NAALADL2: variants seen among roughly 807,000 people sequenced by gnomAD.
NAALADL2 encodes the protein N-acetylated alpha-linked acidic dipeptidase like 2.
NAALADL2 carries 76 observed loss-of-function variants against 87.2 expected under a neutral mutation model. The observed-to-expected ratio is 0.87, with a 90% confidence interval of 0.72 to 1.05. The LOEUF is 1.05. Ranked by LOEUF, NAALADL2 falls within the 50% of genes least tolerant of loss-of-function variation. The pLI is 0.00. For synonymous variants in NAALADL2, 354 were observed against 331.0 expected (o/e 1.07, Z -0.75); for missense variants, 1,089 against 945.8 (o/e 1.15, Z -1.99).
chr3:174,492,528 A>G (rs1273868941), intron 1 of NAALADL2, among the ~76,000 whole-genome samples: 1 of 119,572 alleles, frequency 8.4e-6, no homozygotes, highest in Admixed American at 9.8e-5. Flanking sequence ...GACACCTACT[A>G]TAGGTATTTT....
chr3:174,498,019 TTTTTAACAGC>T (rs1718652268), intron 1 of NAALADL2, among the ~76,000 whole-genome samples: 1 of 152,144 alleles, frequency 6.6e-6, no homozygotes, highest in African/African-American at 2.4e-5. Context: ...GTTTTTTCAA[TTTTTAACAGC>T]TTTAATGAAG....
intron 5 of NAALADL2, among the ~76,000 whole-genome samples, chr3:175,400,413 A>G (rs569926394): frequency 6.6e-6 from 1 of 152,130 alleles, no homozygotes; most frequent in South Asian, 2.1e-4. Context: ...TAGAACCAGG[A>G]CCATGTTTGT....
At chr3:174,816,414 G>A (rs56222551) in intron 3 of NAALADL2, among the ~76,000 whole-genome samples, 6 of 32,364 alleles carry the variant, frequency 1.9e-4, no homozygotes, top group African/African-American at 1.1e-3. Context: ...ATGTGTGTGC[G>A]TGTGTGTGTG....
At chr3:174,712,066 A>G (rs915929472) in intron 2 of NAALADL2, among the ~76,000 whole-genome samples, 2 of 151,620 alleles carry the variant, frequency 1.3e-5, no homozygotes, top group East Asian at 3.9e-4. Context: ...GGATTACAGG[A>G]GTGGGCCACC....
chr3:175,213,181 G>A (rs539670250), intron 2 of NAALADL2, among the ~76,000 whole-genome samples: 2 of 152,162 alleles, frequency 1.3e-5, no homozygotes, highest in African/African-American at 2.4e-5. Flanking sequence ...CCAAGATCTC[G>A]CATTTAGTTA....
intron 2 of NAALADL2, among the ~76,000 whole-genome samples, chr3:174,727,610 G>T (rs964495145): frequency 2.6e-5 from 4 of 152,002 alleles, no homozygotes; most frequent in African/African-American, 9.7e-5. Context: ...TCAACAGAAA[G>T]AACAGAGTTC....
chr3:175,289,159 G>A (rs1156345287), intron 4 of NAALADL2, among the ~76,000 whole-genome samples: 3 of 151,878 alleles, frequency 2.0e-5, no homozygotes, highest in Non-Finnish European at 4.4e-5. Context: ...AACATTTTTG[G>A]CATGTCTTTC....
chr3:174,475,211 C>T lies in NAALADL2; in HGVS notation c.-184+34179C>T, dbSNP rs1263526234. Among the ~76,000 whole-genome samples, 8 of 151,476 alleles carry T rather than the reference C, an allele frequency of 5.3e-5. No homozygotes were observed. In the South Asian group the frequency reaches 1.7e-3, roughly 32 times the overall value. On this transcript the variant is annotated intron_variant, in intron 1 of 3. Transcript: ENST00000434257. ...AAATATATGGAAAGAAAAGGAATTTCAAAGTCTAAAAGAAAGGGAACCGGT... is the reference window on the plus strand; with the variant it reads ...AAATATATGGAAAGAAAAGGAATTTTAAAGTCTAAAAGAAAGGGAACCGGT...
At chr3:175,636,430 G>C (rs1454313812) in intron 11 of NAALADL2, among the ~76,000 whole-genome samples, 1 of 152,000 alleles carries the variant, frequency 6.6e-6, no homozygotes, top group African/African-American at 2.4e-5. Context: ...GGGGCACGGT[G>C]GCTCACGCTT....
intron 1 of NAALADL2, among the ~76,000 whole-genome samples, chr3:174,918,294 T>G (rs1350088506): frequency 4.6e-5 from 7 of 152,092 alleles, no homozygotes; most frequent in African/African-American, 1.7e-4. Context: ...TAAAAAAATA[T>G]ATTTTGGAGT....
chr3:174,789,700 G>C (rs531296361), intron 3 of NAALADL2, among the ~76,000 whole-genome samples: 1 of 152,300 alleles, frequency 6.6e-6, no homozygotes, highest in African/African-American at 2.4e-5. Flanking sequence ...GACTTTAACT[G>C]TATACCATCA....
At chr3:175,095,290 A>ATT (rs1720956360) in intron 1 of NAALADL2, among the ~76,000 whole-genome samples, 1 of 151,874 alleles carries the variant, frequency 6.6e-6, no homozygotes. Flanking sequence ...ATCACCCCTG[A>ATT]GTTTCCCTGA....
chr3:174,474,489 A>G (rs971133116), intron 1 of NAALADL2, among the ~76,000 whole-genome samples: 12 of 152,144 alleles, frequency 7.9e-5, no homozygotes, highest in African/African-American at 2.9e-4. Context: ...GATTTTTGTC[A>G]TTACTGAAAG....
chr3:174,874,895 C>A (rs1169273547), intron 1 of NAALADL2, among the ~76,000 whole-genome samples: 3 of 151,696 alleles, frequency 2.0e-5, no homozygotes, highest in Non-Finnish European at 4.4e-5. Flanking sequence ...GAAGAAGGAT[C>A]CCTTGAGCCA....
chr3:175,190,920 G>T (rs1580854525), intron 2 of NAALADL2, among the ~76,000 whole-genome samples: 1 of 150,178 alleles, frequency 6.7e-6, no homozygotes, highest in East Asian at 2.0e-4. Flanking sequence ...GGAGCTTGCA[G>T]TGAGCCGAGA....
At chr3:175,119,613 G>T (rs958605313) in intron 2 of NAALADL2, among the ~76,000 whole-genome samples, 2 of 150,546 alleles carry the variant, frequency 1.3e-5, no homozygotes, top group Non-Finnish European at 3.0e-5. Context: ...GTCAGATTAT[G>T]AAAAGCCTTA....
At chr3:175,167,573 A>G (rs571092887) in intron 2 of NAALADL2, among the ~76,000 whole-genome samples, 2 of 152,208 alleles carry the variant, frequency 1.3e-5, no homozygotes, top group South Asian at 4.1e-4. Context: ...TCCTCATGTA[A>G]AAACTATTAA....
intron 9 of NAALADL2, among the ~76,000 whole-genome samples, chr3:175,574,969 C>G (rs1718648365): frequency 6.6e-6 from 1 of 152,166 alleles, no homozygotes; most frequent in South Asian, 2.1e-4. Flanking sequence ...ATAGTTGATG[C>G]CATTGCATCT....
At chr3:174,847,534 G>C (rs965136521) in intron 3 of NAALADL2, among the ~76,000 whole-genome samples, 1 of 152,106 alleles carries the variant, frequency 6.6e-6, no homozygotes, top group Admixed American at 6.6e-5. Flanking sequence ...GAACATATTT[G>C]TCTGATTTTG....
Sources: gnomAD v4.1 joint callset for allele counts (sites outside exome capture counted in the v4.1 genomes callset) on GRCh38, gnomAD v4.1.1 for gene constraint, MANE v1.5 for transcripts, NCBI Gene and HGNC (gene_info 2026-07-23, HGNC 2026-07-21) for gene names.